FOXP1: variants seen among roughly 807,000 people sequenced by gnomAD.
The protein encoded by FOXP1 is forkhead box P1.
In FOXP1, 15 loss-of-function variants were observed where a neutral mutation model predicts 98.2. The observed-to-expected ratio is 0.15, with a 90% CI of 0.10 to 0.24. The LOEUF (loss-of-function observed/expected upper bound fraction) is 0.24. FOXP1 is among the 10% of genes least tolerant of loss of function. The probability of loss-of-function intolerance (pLI) is 1.00; values close to 1 mark genes in which losing one functional copy is unlikely to be tolerated. For missense variants in FOXP1, 633 were observed against 848.5 expected (o/e 0.75, Z 3.15); for synonymous variants, 371 against 314.5 (o/e 1.18, Z -1.90).
At chr3:71,213,521 T>C (rs888324170) in intron 5 of FOXP1, among the ~76,000 whole-genome samples, 1 of 152,170 alleles carries the variant, frequency 6.6e-6, no homozygotes, top group Admixed American at 6.5e-5. Context: ...ACAATTCAAA[T>C]GCAGCATACA....
chr3:71,280,126 CAA>C (rs56674677), intron 5 of FOXP1, among the ~76,000 whole-genome samples: 7,751 of 105,766 alleles, frequency 0.073, 65 homozygotes, highest in Non-Finnish European at 0.088. Context: ...CTGTCTCAAA[CAA>C]AAAAAAAAAA....
At chr3:71,240,381 G>T (rs1414059376) in intron 5 of FOXP1, among the ~76,000 whole-genome samples, 2 of 152,232 alleles carry the variant, frequency 1.3e-5, no homozygotes, top group African/African-American at 4.8e-5. Context: ...GCTCAAGCAG[G>T]GTAGCAGCGA....
At chr3:71,345,322 A>G (rs2077258642) in intron 4 of FOXP1, among the ~76,000 whole-genome samples, 1 of 152,036 alleles carries the variant, frequency 6.6e-6, no homozygotes, top group South Asian at 2.1e-4. Context: ...CAGAAGGCAG[A>G]GGTTGCAGTG....
At chr3:71,058,921 G>C (rs1275240296) in intron 7 of FOXP1, among the ~76,000 whole-genome samples, 1 of 151,478 alleles carries the variant, frequency 6.6e-6, no homozygotes, top group African/African-American at 2.4e-5. Flanking sequence ...TATTTATGTG[G>C]AAAGTAAAAT....
intron 2 of FOXP1, among the ~76,000 whole-genome samples, chr3:71,528,320 G>A (rs1436864771): frequency 6.6e-6 from 1 of 152,172 alleles, no homozygotes; most frequent in Non-Finnish European, 1.5e-5. Flanking sequence ...AAAGTCATCT[G>A]GTAAACATGC....
At chr3:71,582,679 C>G (rs2048280591) in intron 1 of FOXP1, 5 of 985,388 alleles carry the variant, frequency 5.1e-6, no homozygotes, top group Non-Finnish European at 6.0e-6. Flanking sequence ...CCTCGCAGCG[C>G]ATCCGGCTCC....
intron 6 of FOXP1, among the ~76,000 whole-genome samples, chr3:71,183,671 C>T (rs2062470371): frequency 1.3e-5 from 2 of 152,210 alleles, no homozygotes; most frequent in African/African-American, 4.8e-5. Context: ...AGTCACCCAA[C>T]TAGCAAGTGG....
At chr3:71,178,574 C>A (rs1361813810) in intron 6 of FOXP1, among the ~76,000 whole-genome samples, 1 of 152,062 alleles carries the variant, frequency 6.6e-6, no homozygotes, top group Non-Finnish European at 1.5e-5. Context: ...TGTGGTGACA[C>A]CTTGCCTCTA....
chr3:71,280,860 T>C (rs2071463411), intron 5 of FOXP1, among the ~76,000 whole-genome samples: 1 of 152,014 alleles, frequency 6.6e-6, no homozygotes, highest in South Asian at 2.1e-4. Context: ...GTTTGTTTGT[T>C]ATGATAAGAG....
At chr3:71,042,696 G>A (rs2048513184) in intron 10 of FOXP1, among the ~76,000 whole-genome samples, 1 of 152,122 alleles carries the variant, frequency 6.6e-6, no homozygotes, top group Non-Finnish European at 1.5e-5. Flanking sequence ...TATAGCAGCA[G>A]CTGAAACAGG....
intron 4 of FOXP1, among the ~76,000 whole-genome samples, chr3:71,343,275 G>C (rs1577057577): frequency 6.6e-6 from 1 of 152,224 alleles, no homozygotes; most frequent in East Asian, 1.9e-4. Flanking sequence ...GGACTAAAAG[G>C]AAATGTAATT....
At chr3:71,034,044 G>A (rs2047241760) in intron 11 of FOXP1, among the ~76,000 whole-genome samples, 2 of 151,966 alleles carry the variant, frequency 1.3e-5, no homozygotes, top group South Asian at 4.2e-4. Context: ...CCTCTTTCCG[G>A]TCCCCTACAC....
chr3:70,970,333 C>T (rs1559594517), intron 19 of FOXP1: 5 of 203,624 alleles, frequency 2.5e-5, no homozygotes, highest in Non-Finnish European at 5.0e-5. Flanking sequence ...AAAAGAAATA[C>T]AAAGCCCTGC....
chr3:71,582,776 C>A (rs2048289687), intron 1 of FOXP1: 13 of 985,268 alleles, frequency 1.3e-5, no homozygotes, highest in Non-Finnish European at 1.6e-5. Flanking sequence ...GCGTGTCTGG[C>A]TGGGGGTGCG....
chr3:71,144,805 C>T (rs79118825), intron 6 of FOXP1, among the ~76,000 whole-genome samples: 1 of 152,124 alleles, frequency 6.6e-6, no homozygotes, highest in Admixed American at 6.5e-5. Context: ...CACCACCCCC[C>T]AAACTCCCTT....
At chr3:71,377,805 C>A (rs831071) in intron 3 of FOXP1, among the ~76,000 whole-genome samples, 98 of 152,100 alleles carry the variant, frequency 6.4e-4, no homozygotes, top group Non-Finnish European at 4.0e-4. Flanking sequence ...TTATTTTTCA[C>A]GTTACATTAA....
At chr3:71,376,333 G>A (rs1288395947) in intron 3 of FOXP1, among the ~76,000 whole-genome samples, 1 of 152,096 alleles carries the variant, frequency 6.6e-6, no homozygotes, top group South Asian at 2.1e-4. Flanking sequence ...TTCATGGAAT[G>A]GGATAAATAC....
At chr3:70,965,400 AGCAATCTATAAATCATGCC>A (rs1364110127) in intron 20 of FOXP1, among the ~76,000 whole-genome samples, 1 of 152,196 alleles carries the variant, frequency 6.6e-6, no homozygotes, top group Admixed American at 6.5e-5. Flanking sequence ...ATATTTTAAG[AGCAATCTATAAATCATGCC>A]GCCTTTCATT....
At chr3:71,245,998 A>ACCC (rs55660633) in intron 5 of FOXP1, among the ~76,000 whole-genome samples, 23 of 132,160 alleles carry the variant, frequency 1.7e-4, no homozygotes, top group African/African-American at 5.8e-4. Flanking sequence ...TACGAAAACC[A>ACCC]CCCCCCCCCC....
Sources: allele counts gnomAD v4.1 joint callset (sites outside exome capture counted in the v4.1 genomes callset), GRCh38; gene constraint gnomAD v4.1.1; transcripts MANE v1.5; gene names NCBI Gene and HGNC (gene_info 2026-07-23, HGNC 2026-07-21).